TM7SF3: variants seen among roughly 807,000 people sequenced by gnomAD.
TM7SF3 encodes the protein seven span transmembrane protein.
Under a neutral mutation model 65.5 loss-of-function variants are expected in TM7SF3, and 60 were observed. The ratio of observed to expected loss-of-function variants is 0.92; its 90% confidence interval spans 0.74 to 1.14. TM7SF3 has a LOEUF of 1.14. Ranked by LOEUF, TM7SF3 falls within the 50% of genes most tolerant of loss-of-function variation. The pLI, the probability that TM7SF3 is intolerant of heterozygous loss-of-function variation, is 0.00. For missense variants in TM7SF3, 623 were observed against 684.8 expected (o/e 0.91, Z 1.01); for synonymous variants, 264 against 259.6 (o/e 1.02, Z -0.16).
At position 26,989,001 on chromosome 12, in the gene TM7SF3, T is replaced by G. The variant is rs547937560; in HGVS notation, c.868+1449A>C. 5.5e-3 allele frequency among the ~76,000 whole-genome samples: 838 copies of G among 152,340 alleles called. 5 individuals are homozygous for G. Among genetic ancestry groups the G allele is most frequent in the Non-Finnish European group, 8.3e-3 (568 of 68,034 alleles). On this transcript the variant is annotated intron_variant, in intron 6 of 11. Coordinates refer to ENST00000343028, the MANE Select transcript of TM7SF3 (RefSeq NM_016551.3). ...TTATGATTTCCTTAATGACATTTAC[T>G]TTTCTCTAGCTCATTTTATTGTAAG...
chr12:27,012,644 C>T (rs1941288240), intron 1 of TM7SF3: 2 of 456,036 alleles, frequency 4.4e-6, no homozygotes, highest in Middle Eastern at 3.3e-4. Flanking sequence ...CAAACCCATT[C>T]ACCAAGCACA....
At chr12:27,005,583 G>C (rs1017635054) in intron 1 of TM7SF3, among the ~76,000 whole-genome samples, 2 of 152,150 alleles carry the variant, frequency 1.3e-5, no homozygotes, top group Admixed American at 6.5e-5. Flanking sequence ...CCATCAACTA[G>C]AGAAGCCTTC....
intron 7 of TM7SF3, among the ~76,000 whole-genome samples, chr12:26,981,410 T>C (rs1939809405): frequency 6.6e-6 from 1 of 152,114 alleles, no homozygotes; most frequent in Non-Finnish European, 1.5e-5. Flanking sequence ...GGAGGATCAC[T>C]TGAGGCTAGG....
At chr12:27,007,747 T>C (rs1941094442) in intron 1 of TM7SF3, among the ~76,000 whole-genome samples, 1 of 152,224 alleles carries the variant, frequency 6.6e-6, no homozygotes, top group Non-Finnish European at 1.5e-5. Flanking sequence ...CAATCACATC[T>C]TCTTTCCTCC....
At chr12:26,988,811 T>C (rs1303376922) in intron 6 of TM7SF3, among the ~76,000 whole-genome samples, 1 of 151,890 alleles carries the variant, frequency 6.6e-6, no homozygotes, top group Admixed American at 6.6e-5. Flanking sequence ...ACACTGAGTG[T>C]GCCTGCCTCT....
intron 1 of TM7SF3, among the ~76,000 whole-genome samples, chr12:27,008,105 C>A (rs538330745): frequency 6.6e-6 from 1 of 151,862 alleles, no homozygotes; most frequent in South Asian, 2.1e-4. Context: ...ATAGGGTATT[C>A]TCATCTTCAG....
rs752277637 is a variant in TM7SF3 at position 26,979,837 on chromosome 12, AC to A, written c.1135del (p.Val379LeufsTer3). On this transcript the variant is annotated frameshift_variant, in exon 9 of 12. Transcript: ENST00000343028. LOFTEE classifies it high-confidence loss of function. ...GATGAGGAACCCCAGCACTAGTCCA[AC>A]ACAGAGCATGCAGATCGAGAGGATT... ...FGILSICMLC[V>X]GLVLGFLISS... The A allele has an allele frequency of 1.2e-6, 2 of 1,614,074 alleles. No homozygotes were observed. The highest frequency in any genetic ancestry group is 1.7e-5 in the Admixed American group (1 of 59,984).
chr12:26,977,052 C>CTGTT (rs1223507236), intron 9 of TM7SF3, among the ~76,000 whole-genome samples: 1 of 152,196 alleles, frequency 6.6e-6, no homozygotes, highest in African/African-American at 2.4e-5. Context: ...AGGCTGACTG[C>CTGTT]TGTTTAATAC....
Position 27,014,178 on chromosome 12 carries a change from G to T in TM7SF3, c.-10C>A, listed in dbSNP as rs370953820. ...GCTGCAGGAACCCCATTGCTGCCTG[G>T]GCCGGGCTGGGCCCACGCCAGGGCT... On this transcript the variant is annotated 5_prime_UTR_variant, in exon 1 of 12. Transcript: ENST00000343028. 4 of 1,552,906 alleles carry T rather than the reference G, an allele frequency of 2.6e-6. No homozygotes were observed. In the East Asian group the frequency reaches 9.7e-5, roughly 38 times the overall value.
At chr12:27,005,025 CAT>C (rs1180758183) in intron 1 of TM7SF3, among the ~76,000 whole-genome samples, 4 of 152,094 alleles carry the variant, frequency 2.6e-5, no homozygotes, top group Non-Finnish European at 5.9e-5. Context: ...ACAAGAAAAA[CAT>C]GTTTATATTT....
At chr12:27,009,191 T>C (rs141096990) in intron 1 of TM7SF3, among the ~76,000 whole-genome samples, 54 of 152,284 alleles carry the variant, frequency 3.5e-4, no homozygotes, top group Admixed American at 2.9e-3. Flanking sequence ...TGCTCCAAAT[T>C]TGTTCTTCCT....
At chr12:26,981,600 T>C (rs1346572958) in intron 7 of TM7SF3, among the ~76,000 whole-genome samples, 1 of 152,098 alleles carries the variant, frequency 6.6e-6, no homozygotes, top group Non-Finnish European at 1.5e-5. Context: ...CATGTTGAGA[T>C]ATTATATATT....
chr12:26,999,297 G>C (rs903978278), intron 3 of TM7SF3, among the ~76,000 whole-genome samples: 1 of 151,988 alleles, frequency 6.6e-6, no homozygotes, highest in African/African-American at 2.4e-5. Context: ...TTGGGAGGCT[G>C]AGGCAGGAGA....
intron 1 of TM7SF3, among the ~76,000 whole-genome samples, chr12:27,008,564 T>C (rs1367690158): frequency 6.6e-6 from 1 of 152,190 alleles, no homozygotes; most frequent in African/African-American, 2.4e-5. Context: ...GTCCCTTTTG[T>C]GTCATTTTAA....
At chr12:26,979,759 A>G (rs1208023339) in intron 9 of TM7SF3, 25 bp downstream of exon 9, 1 of 1,569,470 alleles carries the variant, frequency 6.4e-7, no homozygotes, top group Admixed American at 1.8e-5. Context: ...TCGAACACAC[A>G]AAACATCTGT....
At position 26,974,086 on chromosome 12, in the gene TM7SF3, A is replaced by G. The variant is rs1280194875; in HGVS notation, c.1592T>C (p.Ile531Thr). ...KQERERRVTN[I>T]LDPSYHIPPL... The stretch of plus-strand genomic sequence containing the variant: ...AGGAATGTGGTAGCTAGGGTCCAGA[A>G]TGTTTGTCACTCGGCGCTCTCTCTC... The change falls in exon 12 of 12, where the codon ATT becomes ACT. Residue 531 changes from isoleucine (I) to threonine (T), a missense_variant. Ile to Thr is a moderately conservative substitution (Grantham distance 89, BLOSUM62 -1). Coordinates refer to ENST00000343028, the MANE Select transcript of TM7SF3 (RefSeq NM_016551.3). 6.2e-7 allele frequency: 1 copy of G among 1,614,152 alleles called. No homozygotes were observed. The highest frequency in any genetic ancestry group is 1.1e-5 in the South Asian group (1 of 91,088).
rs547103393 is a variant in TM7SF3 at position 26,979,427 on chromosome 12, G to A, written c.1189+357C>T. 1.0e-4 allele frequency: 22 copies of A among 218,094 alleles called. No individual in the cohort carries two copies. In the South Asian group the frequency reaches 1.6e-3, roughly 16 times the overall value. 13.5% of individuals were successfully genotyped at this position (218,094 alleles called of 1,614,324 possible). A position where few individuals can be genotyped will look rare whatever the true frequency, so the allele number is the denominator to read the frequency against. On this transcript the variant is annotated intron_variant, in intron 9 of 11. Transcript: ENST00000343028. ...GGCAGCGGATGGGAGTGGAGGTTGA[G>A]GGTACAACAGAAGACCAGAAACAAA...
At chr12:26,993,698 G>T (rs990969580) in intron 5 of TM7SF3, among the ~76,000 whole-genome samples, 1 of 152,114 alleles carries the variant, frequency 6.6e-6, no homozygotes, top group Non-Finnish European at 1.5e-5. Context: ...ATCCTTGCTG[G>T]AATTATTTCA....
At chr12:27,002,330 T>C (rs939856657) in intron 2 of TM7SF3, among the ~76,000 whole-genome samples, 3 of 151,844 alleles carry the variant, frequency 2.0e-5, no homozygotes, top group African/African-American at 4.8e-5. Flanking sequence ...TAGCCAAGTG[T>C]GGTGACATGT....
Sources: allele counts gnomAD v4.1 joint callset (sites outside exome capture counted in the v4.1 genomes callset), GRCh38; gene constraint gnomAD v4.1.1; transcripts MANE v1.5; gene names NCBI Gene and HGNC (gene_info 2026-07-23, HGNC 2026-07-21).